Variants in HP1BP3 observed in about 807,000 individuals in gnomAD.
HP1BP3 encodes heterochromatin protein 1-binding protein 3.
Under a neutral mutation model 62.5 loss-of-function variants are expected in HP1BP3, and 12 were observed. The ratio of observed to expected loss-of-function variants is 0.19; its 90% CI spans 0.12 to 0.31. The LOEUF (loss-of-function observed/expected upper bound fraction) is 0.31, where lower values mean the gene tolerates loss of function less well. Among genes scored for constraint, HP1BP3 ranks in the 10% least tolerant of loss-of-function variants. HP1BP3 has a pLI of 1.00. For missense variants in HP1BP3, 502 were observed against 651.8 expected (o/e 0.77, Z 2.50); for synonymous variants, 260 against 237.8 (o/e 1.09, Z -0.86).
chr1:20,759,498 A>C (rs1418604591), intron 8 of HP1BP3, among the ~76,000 whole-genome samples: 2 of 152,244 alleles, frequency 1.3e-5, no homozygotes, highest in Admixed American at 1.3e-4. Context: ...CATTTAAGAA[A>C]GTATTAAGGG....
chr1:20,772,171 T>C (rs2057090174), intron 5 of HP1BP3, among the ~76,000 whole-genome samples: 1 of 152,228 alleles, frequency 6.6e-6, no homozygotes, highest in African/African-American at 2.4e-5. Context: ...GAGATGGTAG[T>C]AGACATCATG....
chr1:20,745,933 T>C (rs749780141), intron 11 of HP1BP3, among the ~76,000 whole-genome samples: 2 of 152,114 alleles, frequency 1.3e-5, no homozygotes, highest in Non-Finnish European at 1.5e-5. Context: ...TTACTTAAAC[T>C]CCTAATATGT....
intron 3 of HP1BP3, among the ~76,000 whole-genome samples, chr1:20,778,108 A>G (rs1440456612): frequency 6.6e-6 from 1 of 152,224 alleles, no homozygotes; most frequent in Non-Finnish European, 1.5e-5. Context: ...ATTCTAAAAA[A>G]GATGAAAAGC....
rs780371368 is a variant in HP1BP3, at chr1:20,771,097, T to C, written c.511-24A>G. 5.1e-6 allele frequency: 8 copies of C among 1,570,804 alleles called. No homozygotes were observed. The East Asian group carries it at 1.8e-4, about 36-fold the overall frequency. On this transcript the variant is annotated intron_variant, in intron 5 of 12. Coordinates refer to ENST00000438032, the MANE Select transcript of HP1BP3 (RefSeq NM_001372052.1). ...GCCTAGAAAAGATTTATTAAACTAG[T>C]TGTTTTTTTTTATTAGATAGAGCCT...
chr1:20,769,704 C>CA (rs752399269), intron 6 of HP1BP3, among the ~76,000 whole-genome samples: 3 of 152,194 alleles, frequency 2.0e-5, no homozygotes, highest in Non-Finnish European at 4.4e-5. Context: ...GCCTGGCCGT[C>CA]AGTGATAATT....
At chr1:20,763,813 T>C (rs866298717) in intron 8 of HP1BP3, among the ~76,000 whole-genome samples, 2 of 152,238 alleles carry the variant, frequency 1.3e-5, no homozygotes, top group Non-Finnish European at 2.9e-5. Flanking sequence ...GGAAACATTA[T>C]GCTATTTCTA....
rs542165982 is a variant in HP1BP3 at position 20,765,379 on chromosome 1, G to C, written c.888C>G (p.Ile296Met). ...AAGGCCAGGCCAATGGCTCATACCT[G>C]ATGTCCACTCTAAGCTTAGGATAAT... Reference protein sequence around the residue: ...SQYYPKLRVDIRPQLLKNALQ... With the variant: ...SQYYPKLRVDMRPQLLKNALQ... Residue 296 changes from isoleucine (I) to methionine (M), a missense_variant and splice_region_variant, in exon 8 of 13, where the codon ATC (isoleucine) becomes ATG (methionine). Coordinates refer to ENST00000438032, the MANE Select transcript of HP1BP3 (RefSeq NM_001372052.1). 3 of 1,601,514 alleles carry C rather than the reference G, an allele frequency of 1.9e-6. No homozygotes were observed. In the African/African-American group the frequency reaches 4.0e-5, roughly 22 times the overall value.
chr1:20,763,152 TAA>T (rs1310618035), intron 8 of HP1BP3, among the ~76,000 whole-genome samples: 1 of 152,214 alleles, frequency 6.6e-6, no homozygotes, highest in Non-Finnish European at 1.5e-5. Context: ...ACCATGATTG[TAA>T]GTTTCCTGAA....
chr1:20,762,952 G>A (rs2056570121), intron 8 of HP1BP3, among the ~76,000 whole-genome samples: 1 of 152,158 alleles, frequency 6.6e-6, no homozygotes, highest in African/African-American at 2.4e-5. Flanking sequence ...TGTTGCAGGT[G>A]GGGCCTAGTG....
intron 8 of HP1BP3, among the ~76,000 whole-genome samples, chr1:20,758,390 G>C (rs2056256707): frequency 1.3e-5 from 2 of 151,838 alleles, no homozygotes; most frequent in Admixed American, 1.3e-4. Context: ...CTGTCACCCA[G>C]GCTGGAGTGC....
At chr1:20,755,392 C>T (rs1362531224) in intron 9 of HP1BP3, 8 of 452,828 alleles carry the variant, frequency 1.8e-5, no homozygotes, top group Admixed American at 1.4e-4. Flanking sequence ...GGCAACACGG[C>T]GAAACCCCAT....
intron 8 of HP1BP3, among the ~76,000 whole-genome samples, chr1:20,760,957 T>C (rs1024157772): frequency 2.6e-5 from 4 of 152,226 alleles, no homozygotes; most frequent in Admixed American, 1.3e-4. Context: ...TAAGAAGTTA[T>C]TGCTCTAATA....
intron 9 of HP1BP3, among the ~76,000 whole-genome samples, chr1:20,751,520 T>C (rs1005561486): frequency 6.6e-6 from 1 of 150,670 alleles, no homozygotes; most frequent in Non-Finnish European, 1.5e-5. Flanking sequence ...AGGCCAAGAG[T>C]TCAAGACCAA....
intron 1 of HP1BP3, among the ~76,000 whole-genome samples, chr1:20,786,899 G>A (rs1265077760): frequency 1.3e-5 from 2 of 152,082 alleles, no homozygotes; most frequent in African/African-American, 4.8e-5. Flanking sequence ...CCAGAGAAGA[G>A]CTCCCCCTCC....
chr1:20,752,803 G>A (rs936598279), intron 9 of HP1BP3, among the ~76,000 whole-genome samples: 5 of 152,156 alleles, frequency 3.3e-5, no homozygotes, highest in African/African-American at 4.8e-5. Context: ...ACTTTTGAAT[G>A]TCTTTAGAAT....
At chr1:20,747,963 C>A (rs1009542194) in intron 10 of HP1BP3, among the ~76,000 whole-genome samples, 18 of 152,146 alleles carry the variant, frequency 1.2e-4, no homozygotes, top group African/African-American at 4.1e-4. Context: ...GCAATACTCC[C>A]ACCTTGGCTT....
intron 8 of HP1BP3, among the ~76,000 whole-genome samples, chr1:20,765,061 C>T (rs570582788): frequency 1.0e-4 from 15 of 147,382 alleles, no homozygotes; most frequent in Admixed American, 4.8e-4. Context: ...CGCAGCTACC[C>T]GGGAGGCGGA....
chr1:20,750,723 GT>G lies in HP1BP3; in HGVS notation c.982-842del, dbSNP rs915834344. Among the ~76,000 whole-genome samples, 85 of 150,998 alleles carry G rather than the reference GT, an allele frequency of 5.6e-4. 1 individual carries two copies. The highest frequency in any genetic ancestry group is 2.1e-3 in the African/African-American group (85 of 41,062). ...AAGACAGCAAGACCAACACCTCCTT[GT>G]CCTCCTCAGCCTACTCAACTCAAAG... On this transcript the variant is annotated intron_variant, in intron 9 of 12. Coordinates refer to ENST00000438032, the MANE Select transcript of HP1BP3 (RefSeq NM_001372052.1).
At chr1:20,786,948 CGCCGGAGG>C (rs1473558148) in intron 1 of HP1BP3, among the ~76,000 whole-genome samples, 3 of 151,942 alleles carry the variant, frequency 2.0e-5, no homozygotes, top group Admixed American at 6.5e-5. Context: ...GGAGCGCGCG[CGCCGGAGG>C]GCCCCTGAGG....
Sources: gnomAD v4.1 joint callset for allele counts (sites outside exome capture counted in the v4.1 genomes callset) on GRCh38, gnomAD v4.1.1 for gene constraint, MANE v1.5 for transcripts, NCBI Gene and HGNC (gene_info 2026-07-23, HGNC 2026-07-21) for gene names.